UXS1: variants seen among roughly 807,000 people sequenced by gnomAD.
UXS1 encodes UDP-glucuronate decarboxylase 1.
A neutral mutation model predicts 62.6 loss-of-function variants in UXS1; 33 were observed. The observed-to-expected ratio is 0.53, with a 90% CI of 0.40 to 0.70. UXS1 has a LOEUF of 0.70. Ranked by LOEUF, UXS1 falls within the 30% of genes least tolerant of loss-of-function variation. The pLI is 0.00. For missense variants in UXS1, 434 were observed against 556.3 expected, an observed-to-expected ratio of 0.78 and a Z score of 2.21; for synonymous variants, 213 against 206.8, an observed-to-expected ratio of 1.03 and a Z score of -0.26.
intron 10 of UXS1, among the ~76,000 whole-genome samples, chr2:106,106,846 A>G (rs188056644): frequency 8.2e-4 from 125 of 152,256 alleles, no homozygotes; most frequent in African/African-American, 2.8e-3. Context: ...GTTTTTTACA[A>G]CCTTATTTTG....
chr2:106,174,861 C>T (rs1337924026), intron 1 of UXS1, among the ~76,000 whole-genome samples: 1 of 152,242 alleles, frequency 6.6e-6, no homozygotes, highest in African/African-American at 2.4e-5. Flanking sequence ...AGCGCCCACC[C>T]ATCCCTGGGC....
intron 1 of UXS1, among the ~76,000 whole-genome samples, chr2:106,191,779 G>A (rs1046992744): frequency 2.6e-5 from 4 of 152,190 alleles, no homozygotes; most frequent in African/African-American, 4.8e-5. Flanking sequence ...TACATAAGCC[G>A]TCCATTCTCA....
intron 4 of UXS1, among the ~76,000 whole-genome samples, chr2:106,162,837 T>G (rs77848982): frequency 0.015 from 2,320 of 152,318 alleles, 63 homozygotes; most frequent in African/African-American, 0.052. Context: ...GTATTTCCCT[T>G]CGATCATTTA....
intron 1 of UXS1, among the ~76,000 whole-genome samples, chr2:106,168,508 G>T (rs575579474): frequency 1.4e-4 from 21 of 152,232 alleles, no homozygotes; most frequent in African/African-American, 4.8e-4. Context: ...TTCACTTTAA[G>T]GACTCGCCTT....
At chr2:106,131,183 T>C (rs1361828736) in intron 6 of UXS1, among the ~76,000 whole-genome samples, 40 of 150,188 alleles carry the variant, frequency 2.7e-4, no homozygotes, top group African/African-American at 9.8e-4. Context: ...CACCCGAATA[T>C]TGCGCTTTTC....
chr2:106,137,748 T>C (rs982819181), intron 6 of UXS1, among the ~76,000 whole-genome samples: 8 of 151,926 alleles, frequency 5.3e-5, no homozygotes, highest in Non-Finnish European at 1.0e-4. Flanking sequence ...TGAACCAAGA[T>C]GGCACCATTG....
intron 9 of UXS1, among the ~76,000 whole-genome samples, chr2:106,114,751 C>T (rs1383734212): frequency 1.3e-5 from 2 of 152,196 alleles, no homozygotes; most frequent in Non-Finnish European, 2.9e-5. Context: ...AATGGTTCAG[C>T]AACAGAGGGC....
At chr2:106,119,489 A>G (rs1679343648) in intron 9 of UXS1, among the ~76,000 whole-genome samples, 1 of 152,180 alleles carries the variant, frequency 6.6e-6, no homozygotes, top group Non-Finnish European at 1.5e-5. Context: ...GCCCTAACAG[A>G]GGCTGAGCAC....
chr2:106,138,760 C>A, intron 6 of UXS1: 1 of 985,500 alleles, frequency 1.0e-6, no homozygotes, highest in Non-Finnish European at 1.2e-6. Context: ...AGCGGCACTG[C>A]TGCATCCTCC....
chr2:106,174,665 A>T (rs1220217770), intron 1 of UXS1, among the ~76,000 whole-genome samples: 6 of 152,252 alleles, frequency 3.9e-5, no homozygotes, highest in Non-Finnish European at 7.3e-5. Context: ...GGGAGGGCCT[A>T]GTAACAGAAC....
intron 4 of UXS1, among the ~76,000 whole-genome samples, chr2:106,158,862 G>A (rs572928369): frequency 1.6e-4 from 25 of 152,332 alleles, no homozygotes; most frequent in Admixed American, 1.4e-3. Context: ...TAAGGAAACG[G>A]TATTTGAGGT....
At chr2:106,128,052 G>A (rs1680110819) in intron 7 of UXS1, among the ~76,000 whole-genome samples, 1 of 152,128 alleles carries the variant, frequency 6.6e-6, no homozygotes, top group Admixed American at 6.5e-5. Context: ...CAGGACCCAC[G>A]GGCACAGTGA....
At chr2:106,142,820 C>G (rs1330326839) in intron 6 of UXS1, among the ~76,000 whole-genome samples, 1 of 152,144 alleles carries the variant, frequency 6.6e-6, no homozygotes, top group Non-Finnish European at 1.5e-5. Context: ...AACATAAATG[C>G]CAACTGAGGG....
At chr2:106,192,251 A>C (rs1684977447) in intron 1 of UXS1, among the ~76,000 whole-genome samples, 1 of 152,184 alleles carries the variant, frequency 6.6e-6, no homozygotes, top group African/African-American at 2.4e-5. Context: ...GGTCAGATGA[A>C]TGATTGGTTA....
At chr2:106,102,659 T>C (rs1325668751) in intron 11 of UXS1, 1 of 152,126 alleles carries the variant, frequency 6.6e-6, no homozygotes, top group Non-Finnish European at 1.5e-5. Flanking sequence ...CTCCCTGCAC[T>C]GTTGTTTCGA....
chr2:106,189,574 C>G (rs528510137), intron 1 of UXS1, among the ~76,000 whole-genome samples: 4 of 152,270 alleles, frequency 2.6e-5, no homozygotes, highest in African/African-American at 9.6e-5. Context: ...GCACAACAAC[C>G]ATGTGAGGCC....
intron 3 of UXS1, among the ~76,000 whole-genome samples, chr2:106,164,146 G>A (rs960204577): frequency 1.3e-5 from 2 of 152,126 alleles, no homozygotes; most frequent in African/African-American, 4.8e-5. Context: ...CTACATCCAC[G>A]TCTGTAGACA....
At position 106,180,090 on chromosome 2, in the gene UXS1, C is replaced by A. The variant is rs1684145337; in HGVS notation, c.95-14007G>T. Among the ~76,000 whole-genome samples, 5 of 152,216 alleles carry A rather than the reference C, an allele frequency of 3.3e-5. 1 individual carries two copies. In the South Asian group the frequency reaches 1.0e-3, roughly 31 times the overall value. ...CACCACTGCACTCCAGCCTAGGCGA[C>A]AGAGCGAGACTCCGTCTCAAAAAAG... On this transcript the variant is annotated intron_variant, in intron 1 of 14. Transcript: ENST00000283148.
At chr2:106,184,205 A>T (rs567111427) in intron 1 of UXS1, among the ~76,000 whole-genome samples, 1 of 152,320 alleles carries the variant, frequency 6.6e-6, no homozygotes, top group South Asian at 2.1e-4. Context: ...AAAAAATAAA[A>T]GTATAAAAAG....
Sources: gnomAD v4.1 joint callset for allele counts (sites outside exome capture counted in the v4.1 genomes callset) on GRCh38, gnomAD v4.1.1 for gene constraint, MANE v1.5 for transcripts, NCBI Gene and HGNC (gene_info 2026-07-23, HGNC 2026-07-21) for gene names.